Variants in GALNT17 observed in about 807,000 individuals in gnomAD.
The protein encoded by GALNT17 is polypeptide N-acetylgalactosaminyltransferase 17, also known as UDP-GalNAc:polypeptide N-acetylgalactosaminyltransferase-like 3.
Under a neutral mutation model 63.7 loss-of-function variants are expected in GALNT17, and 29 were observed. The ratio of observed to expected loss-of-function variants is 0.46; its 90% CI spans 0.34 to 0.62. GALNT17 has a LOEUF of 0.62. Ranked by LOEUF, GALNT17 falls within the 20% of genes least tolerant of loss-of-function variation. The pLI is 0.01. For missense variants in GALNT17, 603 were observed against 799.6 expected (o/e 0.75, Z 2.97); for synonymous variants, 305 against 318.3 (o/e 0.96, Z 0.45).
At chr7:71,369,470 T>C (rs565696346) in intron 2 of GALNT17, among the ~76,000 whole-genome samples, 1 of 152,250 alleles carries the variant, frequency 6.6e-6, no homozygotes, top group Non-Finnish European at 1.5e-5. Context: ...ATCTTCCCTG[T>C]GGGGTTTTGG....
At chr7:71,371,592 G>A (rs1477214102) in intron 2 of GALNT17, among the ~76,000 whole-genome samples, 1 of 152,054 alleles carries the variant, frequency 6.6e-6, no homozygotes, top group Non-Finnish European at 1.5e-5. Context: ...GTCTTTTAAT[G>A]TTATTTTGAT....
chr7:71,318,452 GC>G (rs1791542481), intron 1 of GALNT17, among the ~76,000 whole-genome samples: 1 of 113,980 alleles, frequency 8.8e-6, no homozygotes, highest in African/African-American at 3.6e-5. Context: ...ATATAGTCTT[GC>G]TTTGTCACCA....
intron 5 of GALNT17, among the ~76,000 whole-genome samples, chr7:71,536,676 C>T (rs971531210): frequency 6.6e-6 from 1 of 152,144 alleles, no homozygotes; most frequent in Admixed American, 6.5e-5. Context: ...CTGGGTCCCT[C>T]CCACAACACG....
intron 10 of GALNT17, 90 bp from the exon 11 acceptor site, chr7:71,711,928 T>C (rs1009815115): frequency 1.4e-6 from 2 of 1,409,212 alleles, no homozygotes. Context: ...ATTTTCTCTC[T>C]CCTGTCTCTC....
chr7:71,186,765 G>A (rs1788857910), intron 1 of GALNT17, among the ~76,000 whole-genome samples: 1 of 152,166 alleles, frequency 6.6e-6, no homozygotes, highest in African/African-American at 2.4e-5. Flanking sequence ...CGAGACTTTG[G>A]CCTGTACAAA....
At chr7:71,507,278 C>T (rs1053271545) in intron 5 of GALNT17, among the ~76,000 whole-genome samples, 4 of 152,176 alleles carry the variant, frequency 2.6e-5, no homozygotes, top group Non-Finnish European at 4.4e-5. Context: ...ACATTCAACG[C>T]ACCAAAAAGT....
intron 5 of GALNT17, among the ~76,000 whole-genome samples, chr7:71,559,715 G>T (rs546936337): frequency 2.0e-5 from 3 of 151,562 alleles, no homozygotes; most frequent in Non-Finnish European, 2.9e-5. Context: ...GAAACAATTC[G>T]CAGGGCATGG....
intron 6 of GALNT17, among the ~76,000 whole-genome samples, chr7:71,612,692 G>A (rs1790143030): frequency 6.6e-6 from 1 of 152,178 alleles, no homozygotes; most frequent in Admixed American, 6.5e-5. Context: ...TCCTGCAATT[G>A]TTTCCCTTTG....
intron 6 of GALNT17, among the ~76,000 whole-genome samples, chr7:71,578,386 G>A (rs1019797916): frequency 6.6e-6 from 1 of 152,084 alleles, no homozygotes; most frequent in Non-Finnish European, 1.5e-5. Flanking sequence ...AAGCTGGAGT[G>A]CAGTTACAAA....
At chr7:71,526,669 G>T (rs903913525) in intron 5 of GALNT17, among the ~76,000 whole-genome samples, 1 of 151,406 alleles carries the variant, frequency 6.6e-6, no homozygotes, top group Non-Finnish European at 1.5e-5. Flanking sequence ...ACAGGCATGT[G>T]CCCCCACGCC....
chr7:71,508,977 C>T (rs375128230), intron 5 of GALNT17, among the ~76,000 whole-genome samples: 3 of 152,208 alleles, frequency 2.0e-5, no homozygotes, highest in African/African-American at 7.2e-5. Flanking sequence ...TGCGTACATA[C>T]AGCCTCTCAC....
At chr7:71,502,114 T>C (rs1311634578) in intron 5 of GALNT17, among the ~76,000 whole-genome samples, 1 of 152,198 alleles carries the variant, frequency 6.6e-6, no homozygotes, top group Non-Finnish European at 1.5e-5. Flanking sequence ...GGCTCTTGCA[T>C]TAAAATCAAA....
At chr7:71,234,419 C>A (rs1393352761) in intron 1 of GALNT17, among the ~76,000 whole-genome samples, 1 of 152,060 alleles carries the variant, frequency 6.6e-6, no homozygotes, top group African/African-American at 2.4e-5. Context: ...TGCCACCACA[C>A]CCAGCTAATT....
intron 1 of GALNT17, among the ~76,000 whole-genome samples, chr7:71,160,615 T>C (rs12534934): frequency 0.47 from 71,162 of 151,980 alleles, 18,159 homozygotes; most frequent in African/African-American, 0.66. Flanking sequence ...CCTGCTACCA[T>C]GCCTGGCTAA....
intron 1 of GALNT17, among the ~76,000 whole-genome samples, chr7:71,170,831 C>T (rs1307388029): frequency 6.6e-6 from 1 of 152,112 alleles, no homozygotes; most frequent in African/African-American, 2.4e-5. Context: ...CATATGATTT[C>T]GAACTTTGCT....
At chr7:71,221,908 A>ATT (rs370780821) in intron 1 of GALNT17, among the ~76,000 whole-genome samples, 12,038 of 114,574 alleles carry the variant, frequency 0.11, 987 homozygotes, top group Non-Finnish European at 0.16. Flanking sequence ...CCTTATTTAG[A>ATT]TTTTTTTTTT....
At chr7:71,232,207 T>C (rs1442279980) in intron 1 of GALNT17, among the ~76,000 whole-genome samples, 1 of 152,108 alleles carries the variant, frequency 6.6e-6, no homozygotes, top group African/African-American at 2.4e-5. Context: ...TCTGAGGGGA[T>C]CTGCCAAATC....
intron 1 of GALNT17, among the ~76,000 whole-genome samples, chr7:71,211,946 C>A (rs1204929347): frequency 1.3e-5 from 2 of 152,122 alleles, no homozygotes; most frequent in African/African-American, 4.8e-5. Flanking sequence ...AATTTGCAGC[C>A]TATGTGATAG....
At chr7:71,154,025 G>A (rs1391674560) in intron 1 of GALNT17, among the ~76,000 whole-genome samples, 2 of 152,176 alleles carry the variant, frequency 1.3e-5, no homozygotes, top group Admixed American at 6.5e-5. Flanking sequence ...TGTTGATGAT[G>A]CGCTGGCCTC....
Sources: gnomAD v4.1 joint callset for allele counts (sites outside exome capture counted in the v4.1 genomes callset) on GRCh38, gnomAD v4.1.1 for gene constraint, MANE v1.5 for transcripts, NCBI Gene and HGNC (gene_info 2026-07-23, HGNC 2026-07-21) for gene names.